Variants in YIPF7 observed in about 807,000 individuals in gnomAD.
YIPF7 encodes the protein protein YIPF7.
Under a neutral mutation model 27.2 loss-of-function variants are expected in YIPF7, and 35 were observed. That is an observed-to-expected ratio of 1.29 (90% confidence interval 0.98 to 1.70). YIPF7 has a LOEUF of 1.70. Among genes scored for constraint, YIPF7 ranks in the 40% most tolerant of loss-of-function variants. The probability of loss-of-function intolerance (pLI) is 0.00; values close to 1 mark genes in which losing one functional copy is unlikely to be tolerated. For missense variants in YIPF7, 358 were observed against 303.7 expected (o/e 1.18, Z -1.33); for synonymous variants, 137 against 110.4 (o/e 1.24, Z -1.51).
At chr4:44,630,910 C>G (rs539803251) in intron 3 of YIPF7, among the ~76,000 whole-genome samples, 18 of 152,246 alleles carry the variant, frequency 1.2e-4, no homozygotes, top group Non-Finnish European at 2.4e-4. Flanking sequence ...ATTTAGGGAC[C>G]AGCAATCAAA....
intron 2 of YIPF7, among the ~76,000 whole-genome samples, chr4:44,648,219 G>A (rs1713595562): frequency 6.6e-6 from 1 of 152,010 alleles, no homozygotes; most frequent in Non-Finnish European, 1.5e-5. Context: ...AAATGTTTGG[G>A]ACCAAAGTGT....
chr4:44,643,282 T>C (rs1301534610), intron 2 of YIPF7, among the ~76,000 whole-genome samples: 1 of 152,142 alleles, frequency 6.6e-6, no homozygotes, highest in Non-Finnish European at 1.5e-5. Context: ...TGTGAAATTT[T>C]AAAAGTTAGA....
upstream of YIPF7, chr4:44,651,766 A>C: frequency 2.1e-6 from 1 of 476,970 alleles, no homozygotes; most frequent in Non-Finnish European, 3.7e-6. Context: ...TGGTTTACAA[A>C]CACAGTGAAC....
intron 2 of YIPF7, among the ~76,000 whole-genome samples, chr4:44,642,435 T>C (rs1055342944): frequency 4.9e-5 from 7 of 143,358 alleles, no homozygotes; most frequent in Admixed American, 1.4e-4. Context: ...CTTTATCTTA[T>C]ATCTTTGTAT....
chr4:44,656,309 A>T (rs1378376325), upstream of YIPF7, among the ~76,000 whole-genome samples: 1 of 152,046 alleles, frequency 6.6e-6, no homozygotes, highest in Non-Finnish European at 1.5e-5. Flanking sequence ...AATTATATAC[A>T]TTCTTCCACA....
chr4:44,636,967 AT>A (rs762976275), intron 2 of YIPF7, among the ~76,000 whole-genome samples: 4 of 152,012 alleles, frequency 2.6e-5, no homozygotes, highest in Non-Finnish European at 5.9e-5. Context: ...ATGTGTACGT[AT>A]TTTTAGCACG....
chr4:44,622,265 CACCACCCTTAAGTGCTGCTTTGTCTCT>C lies in YIPF7; in HGVS notation c.*122_*148del, dbSNP rs1712467269. On this transcript the variant is annotated 3_prime_UTR_variant, in exon 6 of 6. Transcript: ENST00000415895. The stretch of plus-strand genomic sequence containing the variant: ...CATTCAAACCAACAGGCTATTAGAG[CACCACCCTTAAGTGCTGCTTTGTCTCT>C]CTGCTTATTACTCTCTCAAAAGCAA... The C allele has an allele frequency of 1.0e-6, 1 of 960,436 alleles. No individual in the cohort carries two copies. Among genetic ancestry groups the C allele is most frequent in the African/African-American group, 1.7e-5 (1 of 60,024 alleles). 59.5% of individuals were successfully genotyped at this position (960,436 alleles called of 1,614,324 possible). A position where few individuals can be genotyped will look rare whatever the true frequency, so the allele number is the denominator to read the frequency against.
intron 3 of YIPF7, among the ~76,000 whole-genome samples, chr4:44,632,341 T>C (rs1712936206): frequency 1.3e-5 from 2 of 152,198 alleles, no homozygotes; most frequent in African/African-American, 4.8e-5. Context: ...TAAAAGTGAA[T>C]TAAGATCCCT....
At chr4:44,642,784 C>T (rs886610112) in intron 2 of YIPF7, among the ~76,000 whole-genome samples, 12 of 152,186 alleles carry the variant, frequency 7.9e-5, no homozygotes, top group South Asian at 2.1e-4. Flanking sequence ...TGTGAGATGA[C>T]GCTCCTGTGC....
chr4:44,646,388 A>G (rs754818548), intron 2 of YIPF7, among the ~76,000 whole-genome samples: 1 of 152,176 alleles, frequency 6.6e-6, no homozygotes, highest in Non-Finnish European at 1.5e-5. Flanking sequence ...TGTGTTTGAA[A>G]TACTAGAAGA....
chr4:44,626,836 T>C (rs1712664130), intron 4 of YIPF7, among the ~76,000 whole-genome samples: 1 of 131,108 alleles, frequency 7.6e-6, no homozygotes, highest in African/African-American at 2.9e-5. Context: ...AGGGCAGTGG[T>C]GCTAACTCGG....
chr4:44,639,612 G>A (rs1713258799), intron 2 of YIPF7, among the ~76,000 whole-genome samples: 1 of 151,914 alleles, frequency 6.6e-6, no homozygotes. Flanking sequence ...AAGAGGTTTT[G>A]GTGAATTCTT....
chr4:44,626,121 G>A (rs936672630), intron 4 of YIPF7, among the ~76,000 whole-genome samples: 4 of 152,180 alleles, frequency 2.6e-5, no homozygotes, highest in Non-Finnish European at 5.9e-5. Context: ...CTCTGCAGTT[G>A]GAGAGTTGAT....
At chr4:44,656,090 C>A (rs1255346960), upstream of YIPF7, among the ~76,000 whole-genome samples, 1 of 151,616 alleles carries the variant, frequency 6.6e-6, no homozygotes, top group Non-Finnish European at 1.5e-5. Context: ...TTGCTGAATT[C>A]TTATTAAGTT....
chr4:44,641,047 G>T (rs751040721), intron 2 of YIPF7, among the ~76,000 whole-genome samples: 1 of 152,040 alleles, frequency 6.6e-6, no homozygotes, highest in Non-Finnish European at 1.5e-5. Context: ...GGGTTTGAGA[G>T]AGTCAAGGTG....
rs368551910 is a variant in YIPF7, at chr4:44,629,505, T to G, written c.324A>C (p.Thr108=). ...HFDHIWQKTL[T]VLNPMKPVDG... is the part of the protein sequence containing the mutation. ...CTACTGGCTTCATTGGGTTTAACAC[T>G]GTCAAAGTTTTTTGCCATATGTGAT... The change falls in exon 4 of 6, where the codon ACA becomes ACC. Residue 108 remains threonine, a synonymous_variant. Coordinates refer to ENST00000415895, the MANE Select transcript of YIPF7 (RefSeq NM_182592.3). The G allele has an allele frequency of 1.7e-5, 26 of 1,573,528 alleles. No individual in the cohort carries two copies. The Admixed American group carries it at 4.0e-4, about 24-fold the overall frequency.
chr4:44,644,072 C>G (rs1051998717), intron 2 of YIPF7, among the ~76,000 whole-genome samples: 1 of 152,160 alleles, frequency 6.6e-6, no homozygotes, highest in African/African-American at 2.4e-5. Flanking sequence ...CCCCCAGAAA[C>G]TTGCAACCTG....
chr4:44,656,808 G>A (rs1036930830), intron 2 of YIPF7, among the ~76,000 whole-genome samples: 8 of 151,812 alleles, frequency 5.3e-5, no homozygotes, highest in East Asian at 1.9e-4. Context: ...GAGATTCAAC[G>A]TTTCCTTAGC....
At position 44,624,768 on chromosome 4, in the gene YIPF7, C is replaced by T; in HGVS notation, c.441G>A (p.Gln147=). Residue 147 remains glutamine, a synonymous_variant, in exon 5 of 6, where the codon CAG becomes CAA. Transcript: ENST00000415895. The stretch of plus-strand genomic sequence containing the variant: ...CACTCATGCCATACACATAACCAAA[C>T]TGAACTTTTCCTGCCTGAAACGACG... ...GATLLLAGKV[Q]FGYVYGMSAI... is the part of the protein sequence containing the mutation. 6.2e-7 allele frequency: 1 copy of T among 1,608,286 alleles called. No homozygotes were observed. The highest frequency in any genetic ancestry group is 8.5e-7 in the Non-Finnish European group (1 of 1,177,916).
Sources: allele counts gnomAD v4.1 joint callset (sites outside exome capture counted in the v4.1 genomes callset), GRCh38; gene constraint gnomAD v4.1.1; transcripts MANE v1.5; gene names NCBI Gene and HGNC (gene_info 2026-07-23, HGNC 2026-07-21).